Variants in ITIH5 observed in about 807,000 individuals in gnomAD.
ITIH5 encodes the protein inter-alpha-trypsin inhibitor heavy chain H5.
A neutral mutation model predicts 77.5 loss-of-function variants in ITIH5; 65 were observed. The ratio of observed to expected loss-of-function variants is 0.84; its 90% CI spans 0.69 to 1.03. ITIH5 has a LOEUF of 1.03. ITIH5 is among the 50% of genes least tolerant of loss of function. The pLI is 0.00. For synonymous variants in ITIH5, 525 were observed against 494.3 expected (o/e 1.06, Z -0.82); for missense variants, 1,208 against 1,213.1 (o/e 1.00, Z 0.06).
At chr10:7,563,427 A>G in intron 13 of ITIH5, 43 bp from the exon 14 acceptor site, 1 of 1,567,414 alleles carries the variant, frequency 6.4e-7, no homozygotes, top group Non-Finnish European at 8.7e-7. Context: ...TCAAATGCAG[A>G]AACCTCGTGC....
At chr10:7,634,088 CAAAAA>C (rs752092484) in intron 5 of ITIH5, among the ~76,000 whole-genome samples, 3 of 60,036 alleles carry the variant, frequency 5.0e-5, no homozygotes, top group Non-Finnish European at 9.2e-5. Context: ...GACTCCGTCT[CAAAAA>C]AAAAAAAAAA....
rs1439183054 is a variant in ITIH5, at chr10:7,576,817, G to T, written c.1614C>A (p.Phe538Leu). The T allele has an allele frequency of 3.1e-6, 5 of 1,614,082 alleles. No individual in the cohort carries two copies. Among genetic ancestry groups the T allele is most frequent in the African/African-American group, 2.7e-5 (2 of 74,936 alleles). ...VEVTASNSKK[F>L]IILKTDVPVR... ...CAGGCACATCTGTCTTCAGGATGAT[G>T]AATTTCTTACTGTTGCTGGCGGTGA... Residue 538 changes from phenylalanine to leucine, a missense_variant, in exon 10 of 14, where the codon TTC becomes TTA. Transcript: ENST00000397146.
chr10:7,654,965 AAT>A (rs977371692), intron 2 of ITIH5, among the ~76,000 whole-genome samples: 5 of 127,910 alleles, frequency 3.9e-5, no homozygotes, highest in South Asian at 2.6e-4. Context: ...GCAAAAAAAA[AAT>A]TTTTTTTAAT....
At chr10:7,660,494 C>T (rs1037851589) in intron 1 of ITIH5, among the ~76,000 whole-genome samples, 9 of 152,218 alleles carry the variant, frequency 5.9e-5, no homozygotes, top group Non-Finnish European at 8.8e-5. Flanking sequence ...TTCCTTAGGA[C>T]GAGCATGTGT....
At chr10:7,605,769 T>TTCCACGTTTGTCA (rs148424609) in intron 7 of ITIH5, among the ~76,000 whole-genome samples, 1 of 151,964 alleles carries the variant, frequency 6.6e-6, no homozygotes, top group Non-Finnish European at 1.5e-5. Context: ...TGATAAGCAC[T>TTCCACGTTTGTCA]TCTCATTTAA....
intron 12 of ITIH5, chr10:7,569,409 C>T: frequency 2.7e-6 from 1 of 374,204 alleles, no homozygotes; most frequent in East Asian, 4.0e-5. Flanking sequence ...TCTGTGAGGC[C>T]AAGAGAGTGT....
At chr10:7,607,833 T>C (rs1033724225) in intron 7 of ITIH5, among the ~76,000 whole-genome samples, 1 of 152,110 alleles carries the variant, frequency 6.6e-6, no homozygotes, top group Non-Finnish European at 1.5e-5. Context: ...AAAAAAAAAA[T>C]CTTGTCTGCA....
chr10:7,613,149 G>T lies in ITIH5; in HGVS notation c.939+2833C>A, dbSNP rs139302196. On this transcript the variant is annotated intron_variant, in intron 7 of 13. Coordinates refer to ENST00000397146, the MANE Select transcript of ITIH5 (RefSeq NM_030569.7). ...AATCTCAGCTACTTGGGGGAACTGA[G>T]GCAGGAGAGTTGCTTGAACCCAGGA... 9.7e-4 allele frequency among the ~76,000 whole-genome samples: 148 copies of T among 152,120 alleles called. 1 individual carries two copies. Among genetic ancestry groups the T allele is most frequent in the African/African-American group, 3.5e-3 (144 of 41,434 alleles).
chr10:7,655,708 T>C (rs746944414), intron 1 of ITIH5, 33 bp from the exon 2 acceptor site: 28 of 1,547,046 alleles, frequency 1.8e-5, no homozygotes, highest in East Asian at 6.7e-5. Flanking sequence ...AAAAAGGTGA[T>C]TTTTAAAAGA....
intron 7 of ITIH5, among the ~76,000 whole-genome samples, chr10:7,597,063 A>AAACAAAAAAAAAAAAAAAT: frequency 7.0e-6 from 1 of 142,648 alleles, no homozygotes; most frequent in Non-Finnish European, 1.6e-5. Flanking sequence ...AAAAAAAAAA[A>AAACAAAAAAAAAAAAAAAT]ATTCCACCAA....
intron 10 of ITIH5, among the ~76,000 whole-genome samples, chr10:7,574,436 A>T (rs944534338): frequency 2.6e-5 from 4 of 152,186 alleles, no homozygotes; most frequent in Non-Finnish European, 4.4e-5. Context: ...CAAAAAAATT[A>T]AAATTTAAAT....
At chr10:7,622,548 G>A (rs1833490838) in intron 5 of ITIH5, 1 of 151,816 alleles carries the variant, frequency 6.6e-6, no homozygotes, top group Non-Finnish European at 1.5e-5. Context: ...AATGCTCTTG[G>A]ATAACATACA....
chr10:7,653,488 G>A (rs1292256416), intron 2 of ITIH5, among the ~76,000 whole-genome samples: 11 of 152,106 alleles, frequency 7.2e-5, no homozygotes, highest in African/African-American at 1.9e-4. Flanking sequence ...GATTACAGGC[G>A]TGAGCCATCG....
Position 7,576,959 on chromosome 10 carries a change from G to C in ITIH5, c.1472C>G (p.Pro491Arg), listed in dbSNP as rs1396101326. ...GGTGGCCTGCACCACTGAGCTGGGGGGATAATCGATGCGGATGTCAGAGAG... is the reference window on the plus strand; with the variant it reads ...GGTGGCCTGCACCACTGAGCTGGGGCGATAATCGATGCGGATGTCAGAGAG... ...PLLSDIRIDY[P>R]PSSVVQATKT... Residue 491 changes from proline (P) to arginine (R), a missense_variant, in exon 10 of 14, where the codon CCC becomes CGC. By Grantham distance (103) the Pro-to-Arg change is moderately radical (BLOSUM62 -2). Transcript: ENST00000397146. The C allele has an allele frequency of 6.2e-7, 1 of 1,613,964 alleles. No homozygotes were observed. Among genetic ancestry groups the C allele is most frequent in the Non-Finnish European group, 8.5e-7 (1 of 1,179,936 alleles).
At chr10:7,624,945 C>T (rs185669661) in intron 5 of ITIH5, among the ~76,000 whole-genome samples, 13 of 141,026 alleles carry the variant, frequency 9.2e-5, no homozygotes, top group East Asian at 8.4e-4. Flanking sequence ...TCTGCCATCA[C>T]GTGTCCATTG....
rs549238895 is a variant in ITIH5 at position 7,652,503 on chromosome 10, AG to A, written c.135+3127del. Among the ~76,000 whole-genome samples, 56 of 152,344 alleles carry A rather than the reference AG, an allele frequency of 3.7e-4. No homozygotes were observed. In the South Asian group the frequency reaches 7.3e-3, roughly 20 times the overall value. ...GGTCTACCACTGGAAAAATCATTCT[AG>A]TACCAACTGGATGGTCAGTAAAGTT... On this transcript the variant is annotated intron_variant, in intron 2 of 13. Coordinates refer to ENST00000397146, the MANE Select transcript of ITIH5 (RefSeq NM_030569.7).
At chr10:7,568,687 C>T (rs1832235294) in intron 12 of ITIH5, among the ~76,000 whole-genome samples, 2 of 152,146 alleles carry the variant, frequency 1.3e-5, no homozygotes, top group South Asian at 2.1e-4. Context: ...GAGGAAGTGC[C>T]GGGGTGCCCA....
chr10:7,565,713 ATATT>A lies in ITIH5; in HGVS notation c.2527+313_2527+316del, dbSNP rs988801483. Among the ~76,000 whole-genome samples the A allele has an allele frequency of 2.7e-5, 4 of 148,984 alleles. No homozygotes were observed. The East Asian group carries it at 5.8e-4, about 22-fold the overall frequency. ...CATATACAGACTGCATATATAATAT[ATATT>A]ATGTATTTATATAGAGAGACTATAT... On this transcript the variant is annotated intron_variant, in intron 13 of 13. Coordinates refer to ENST00000397146, the MANE Select transcript of ITIH5 (RefSeq NM_030569.7).
At chr10:7,598,067 AC>A (rs1832942786) in intron 7 of ITIH5, among the ~76,000 whole-genome samples, 1 of 152,092 alleles carries the variant, frequency 6.6e-6, no homozygotes, top group African/African-American at 2.4e-5. Context: ...AAAGAATGCT[AC>A]TCCATTGACT....
Sources: allele counts gnomAD v4.1 joint callset (sites outside exome capture counted in the v4.1 genomes callset), GRCh38; gene constraint gnomAD v4.1.1; transcripts MANE v1.5; gene names NCBI Gene and HGNC (gene_info 2026-07-23, HGNC 2026-07-21).